Variants in CELF5 observed in about 807,000 individuals in gnomAD.
CELF5 encodes CUG-BP and ETR-3 like factor 5.
A neutral mutation model predicts 54.9 loss-of-function variants in CELF5; 6 were observed. That is an observed-to-expected ratio of 0.11 (90% CI 0.06 to 0.22). The LOEUF is 0.22. CELF5 is among the 10% of genes least tolerant of loss of function. The pLI is 1.00. For missense variants in CELF5, 401 were observed against 678.6 expected (o/e 0.59, Z 4.54); for synonymous variants, 271 against 290.9 (o/e 0.93, Z 0.70).
intron 1 of CELF5, 58 bp downstream of exon 1, chr19:3,225,056 C>T: frequency 3.4e-6 from 4 of 1,182,556 alleles, no homozygotes; most frequent in Non-Finnish European, 4.6e-6. Context: ...CCCCACCTTC[C>T]GGCATCTTCT....
chr19:3,230,374 G>A (rs745401273), intron 1 of CELF5, among the ~76,000 whole-genome samples: 2 of 152,202 alleles, frequency 1.3e-5, no homozygotes, highest in African/African-American at 4.8e-5. Context: ...AACACTTACT[G>A]TGTTCCAGGC....
intron 2 of CELF5, among the ~76,000 whole-genome samples, chr19:3,272,167 A>G (rs903804594): frequency 2.6e-5 from 4 of 152,096 alleles, no homozygotes; most frequent in African/African-American, 4.8e-5. Context: ...GCAGATCGAG[A>G]CCATCCTGGC....
intron 8 of CELF5, 30 bp from the exon 9 acceptor site, chr19:3,284,872 G>T: frequency 6.2e-7 from 1 of 1,606,076 alleles, no homozygotes; most frequent in Non-Finnish European, 8.5e-7. Flanking sequence ...TGCTGCTCCC[G>T]CCCCACTCAG....
rs571006482 is a variant in CELF5 at position 3,290,595 on chromosome 19, G to T, written c.1330+221G>T. Among the ~76,000 whole-genome samples, 28 of 142,412 alleles carry T rather than the reference G, an allele frequency of 2.0e-4. No homozygotes were observed. The East Asian group carries it at 5.1e-3, about 26-fold the overall frequency. The allele number at this position is 142,412 out of a possible 152,430, so 93.4% of individuals were successfully genotyped here. A position where few individuals can be genotyped will look rare whatever the true frequency, so the allele number is the denominator to read the frequency against. Reference sequence around the variant, plus strand: ...TTTTTTTTTTTTGAGACAGAGTCTCGCTCTGTCGCCCAGGCTGGAGTGCAG... The same window carrying T: ...TTTTTTTTTTTTGAGACAGAGTCTCTCTCTGTCGCCCAGGCTGGAGTGCAG... On this transcript the variant is annotated intron_variant, in intron 11 of 12. Coordinates refer to ENST00000292672, the MANE Select transcript of CELF5 (RefSeq NM_021938.4).
intron 1 of CELF5, 145 bp from the exon 2 acceptor site, chr19:3,250,840 T>C: frequency 1.6e-6 from 1 of 630,094 alleles, no homozygotes; most frequent in Non-Finnish European, 2.9e-6. Flanking sequence ...AATATTCCGT[T>C]GCGTGGATGC....
Position 3,282,553 on chromosome 19 carries a change from G to A in CELF5, c.1039+55G>A. The A allele has an allele frequency of 1.3e-6, 2 of 1,560,354 alleles. No individual in the cohort carries two copies. Among genetic ancestry groups the A allele is most frequent in the East Asian group, 2.2e-5 (1 of 44,514 alleles). ...GAGAGTGGTGGGGAATAAAGATGGT[G>A]TTTCTGGAACAAGTATGAGTCCCTA... On this transcript the variant is annotated intron_variant, in intron 8 of 12. Transcript: ENST00000292672. The surrounding 1 kb of genome is among the most constrained non-coding windows in gnomAD (Gnocchi z 5.2).
intron 2 of CELF5, among the ~76,000 whole-genome samples, chr19:3,251,602 G>A (rs1163030499): frequency 6.6e-6 from 1 of 150,628 alleles, no homozygotes; most frequent in Non-Finnish European, 1.5e-5. Flanking sequence ...GATTTTCCTC[G>A]CTTGTCTTTA....
intron 1 of CELF5, among the ~76,000 whole-genome samples, chr19:3,226,656 G>GA (rs1916936118): frequency 6.6e-6 from 1 of 152,114 alleles, no homozygotes; most frequent in African/African-American, 2.4e-5. Flanking sequence ...GGGAATGGGG[G>GA]AGTCCACATG....
intron 1 of CELF5, among the ~76,000 whole-genome samples, chr19:3,226,592 C>A (rs1916931659): frequency 6.6e-6 from 1 of 152,066 alleles, no homozygotes; most frequent in African/African-American, 2.4e-5. Context: ...GCTTTTCCCA[C>A]ACGCCCCCAC....
At chr19:3,272,220 T>A (rs1049153517) in intron 2 of CELF5, among the ~76,000 whole-genome samples, 2 of 151,594 alleles carry the variant, frequency 1.3e-5, no homozygotes, top group African/African-American at 4.8e-5. Flanking sequence ...ACAAAAAAAA[T>A]TAGCTGGGCG....
At chr19:3,245,090 G>C (rs921451321) in intron 1 of CELF5, among the ~76,000 whole-genome samples, 4 of 145,428 alleles carry the variant, frequency 2.8e-5, no homozygotes, top group Non-Finnish European at 6.0e-5. Flanking sequence ...TGTGTGTGTA[G>C]CGTTTGGTGT....
chr19:3,228,313 A>AC lies in CELF5; in HGVS notation c.259+3320dup, dbSNP rs1446223801. Among the ~76,000 whole-genome samples, 4 of 151,826 alleles carry AC rather than the reference A, an allele frequency of 2.6e-5. No homozygotes were observed. The highest frequency in any genetic ancestry group is 2.9e-5 in the Non-Finnish European group (2 of 67,910). ...AGAGCGGGGACCTCCCCCAGGAAGGACCCCCACCCCAGGCCAGGGGCTCAG... is the reference window on the plus strand; with the variant it reads ...AGAGCGGGGACCTCCCCCAGGAAGGACCCCCCACCCCAGGCCAGGGGCTCAG... On this transcript the variant is annotated intron_variant, in intron 1 of 12. Coordinates refer to ENST00000292672, the MANE Select transcript of CELF5 (RefSeq NM_021938.4). This position sits in a 1 kb window ranked among gnomAD's most constrained non-coding sequence, Gnocchi z 6.0.
At position 3,285,089 on chromosome 19, in the gene CELF5, G is replaced by GC. The variant is rs2080216994; in HGVS notation, c.1102+129dup. ...AGCCGCGCCTCCTACCTCTGGCCCCGCCCCTCAGGGCCCACCCTTAGCCCC... is the reference window on the plus strand; with the variant it reads ...AGCCGCGCCTCCTACCTCTGGCCCCGCCCCCTCAGGGCCCACCCTTAGCCCC... On this transcript the variant is annotated intron_variant, in intron 9 of 12. Coordinates refer to ENST00000292672, the MANE Select transcript of CELF5 (RefSeq NM_021938.4). 4.4e-6 allele frequency: 3 copies of GC among 681,322 alleles called. No individual in the cohort carries two copies. The Admixed American group carries it at 8.1e-5, about 18-fold the overall frequency. 42.2% of individuals were successfully genotyped at this position (681,322 alleles called of 1,614,324 possible).
chr19:3,263,575 CA>C (rs2079836872), intron 2 of CELF5, among the ~76,000 whole-genome samples: 1 of 147,640 alleles, frequency 6.8e-6, no homozygotes, highest in Non-Finnish European at 1.5e-5. Flanking sequence ...AACAAAGAAA[CA>C]AACAAACAAA....
At chr19:3,272,392 A>AG (rs1321892928) in intron 2 of CELF5, among the ~76,000 whole-genome samples, 2 of 152,060 alleles carry the variant, frequency 1.3e-5, no homozygotes, top group African/African-American at 4.8e-5. Flanking sequence ...AAAAAAGAAA[A>AG]GAAAAAAAAG....
chr19:3,269,012 C>T (rs1175525501), intron 2 of CELF5, among the ~76,000 whole-genome samples: 2 of 151,996 alleles, frequency 1.3e-5, no homozygotes, highest in Non-Finnish European at 1.5e-5. Context: ...GCCACAGCAG[C>T]GTTTAGAGCA....
At chr19:3,294,143 C>G (rs947798637) in intron 12 of CELF5, 1 of 152,206 alleles carries the variant, frequency 6.6e-6, no homozygotes, top group African/African-American at 2.4e-5. Context: ...ACAAGCAAAA[C>G]GAAACCCAGA....
chr19:3,264,376 C>G (rs1248357206), intron 2 of CELF5, among the ~76,000 whole-genome samples: 1 of 149,188 alleles, frequency 6.7e-6, no homozygotes, highest in African/African-American at 2.5e-5. Context: ...TTTATGTGTG[C>G]CTTCTTGTTT....
intron 1 of CELF5, among the ~76,000 whole-genome samples, chr19:3,233,396 A>G (rs1917363459): frequency 6.6e-6 from 1 of 152,222 alleles, no homozygotes; most frequent in South Asian, 2.1e-4. Flanking sequence ...ACGATAAACT[A>G]GGAAACAAAT....
Sources: allele counts gnomAD v4.1 joint callset (sites outside exome capture counted in the v4.1 genomes callset), GRCh38; gene constraint gnomAD v4.1.1; non-coding constraint Gnocchi (gnomAD v3.1); transcripts MANE v1.5; gene names NCBI Gene and HGNC (gene_info 2026-07-23, HGNC 2026-07-21).